The following MYZAP variants were observed in gnomAD, a reference collection of about 807,000 sequenced individuals.
MYZAP encodes GRINL1A complex locus upstream.
Under a neutral mutation model 69.4 loss-of-function variants are expected in MYZAP, and 66 were observed. That is an observed-to-expected ratio of 0.95 (90% CI 0.78 to 1.17). The LOEUF (loss-of-function observed/expected upper bound fraction) is 1.17, where lower values mean the gene tolerates loss of function less well. Ranked by LOEUF, MYZAP falls within the 50% of genes most tolerant of loss-of-function variation. The probability of loss-of-function intolerance (pLI) is 0.00; values close to 1 mark genes in which losing one functional copy is unlikely to be tolerated. For synonymous variants in MYZAP, 256 were observed against 205.9 expected, an observed-to-expected ratio of 1.24 and a Z score of -2.09; for missense variants, 611 against 556.2, an observed-to-expected ratio of 1.10 and a Z score of -0.99.
rs1371727069 is a variant in MYZAP at position 57,661,381 on chromosome 15, C to G, written c.1120-69C>G. The G allele has an allele frequency of 6.2e-6, 7 of 1,138,144 alleles. No individual in the cohort carries two copies. The East Asian group carries it at 1.5e-4, about 24-fold the overall frequency. The allele number at this position is 1,138,144 out of a possible 1,614,324, so 70.5% of individuals were successfully genotyped here. Reference sequence around the variant, plus strand: ...AAATGAAAACCAAGGGCATCTATTCCAGTTGATAAACCTGTACTTACACAA... The same window carrying G: ...AAATGAAAACCAAGGGCATCTATTCGAGTTGATAAACCTGTACTTACACAA... On this transcript the variant is annotated intron_variant, in intron 10 of 12. Coordinates refer to ENST00000267853, the MANE Select transcript of MYZAP (RefSeq NM_001018100.5).
At chr15:57,663,803 A>C (rs900910718) in intron 11 of MYZAP, among the ~76,000 whole-genome samples, 2 of 152,096 alleles carry the variant, frequency 1.3e-5, no homozygotes, top group African/African-American at 4.8e-5. Flanking sequence ...TCTAATAAGC[A>C]AGACTTTGAA....
rs141271435 is a variant in MYZAP at position 57,618,079 on chromosome 15, G to C, written c.209G>C (p.Gly70Ala). 5.9e-5 allele frequency: 95 copies of C among 1,614,004 alleles called. No individual in the cohort carries two copies. The highest frequency in any genetic ancestry group is 4.9e-4 in the Middle Eastern group (3 of 6,084). The change falls in exon 3 of 13, where the codon GGT (glycine) becomes GCT (alanine). Residue 70 changes from glycine (G) to alanine (A), a missense_variant. Physicochemically the swap from Gly to Ala is moderately conservative, Grantham distance 60. Coordinates refer to ENST00000267853, the MANE Select transcript of MYZAP (RefSeq NM_001018100.5). ...NGEPTRKLPQ[G>A]VVYGVVRRSD... ...GAACCTACCAGGAAACTTCCTCAGG[G>C]TGTTGTTTATGGTGTGGTGCGAAGA...
intron 1 of MYZAP, among the ~76,000 whole-genome samples, chr15:57,595,745 C>T (rs780337784): frequency 6.6e-6 from 1 of 152,122 alleles, no homozygotes; most frequent in Non-Finnish European, 1.5e-5. Context: ...CTATCGTGAC[C>T]CGTCACTGGC....
chr15:57,656,380 G>A (rs1044817826), intron 10 of MYZAP, among the ~76,000 whole-genome samples: 1 of 152,176 alleles, frequency 6.6e-6, no homozygotes, highest in African/African-American at 2.4e-5. Context: ...AGAAACATCA[G>A]TAATCATATA....
At position 57,684,907 on chromosome 15, in the gene MYZAP, A is replaced by C. The variant is rs1010787609; in HGVS notation, c.*409A>C. The C allele has an allele frequency of 6.4e-6, 1 of 157,268 alleles. No homozygotes were observed. The highest frequency in any genetic ancestry group is 1.4e-5 in the Non-Finnish European group (1 of 71,478). 9.7% of individuals were successfully genotyped at this position (157,268 alleles called of 1,614,324 possible). On this transcript the variant is annotated 3_prime_UTR_variant, in exon 13 of 13. Transcript: ENST00000267853. ...CATGAAGGTTTTGTTTACCCATAAA[A>C]GTATTAGAGGCAGCGTTTCTCTGAT...
At chr15:57,643,997 C>T (rs1595903099) in intron 10 of MYZAP, among the ~76,000 whole-genome samples, 2 of 152,216 alleles carry the variant, frequency 1.3e-5, no homozygotes, top group South Asian at 2.1e-4. Context: ...TTGATTTTCT[C>T]ATTAGTGCTT....
intron 1 of MYZAP, chr15:57,599,698 T>C: frequency 3.9e-6 from 5 of 1,289,116 alleles, no homozygotes; most frequent in Non-Finnish European, 5.1e-6. Context: ...CGTAAAATGC[T>C]CGGAGGTAAG....
At chr15:57,678,973 T>C (rs1475059463) in intron 12 of MYZAP, among the ~76,000 whole-genome samples, 1 of 152,038 alleles carries the variant, frequency 6.6e-6, no homozygotes, top group Non-Finnish European at 1.5e-5. Flanking sequence ...GGTTGGGAGT[T>C]TGAGACCAGC....
intron 7 of MYZAP, 75 bp from the exon 8 acceptor site, chr15:57,633,538 C>T (rs570667256): frequency 6.6e-7 from 1 of 1,524,904 alleles, no homozygotes. Context: ...TCTAGCAAGG[C>T]CTGAGCTGAT....
intron 10 of MYZAP, among the ~76,000 whole-genome samples, chr15:57,660,507 G>A (rs1344693226): frequency 1.3e-5 from 2 of 151,970 alleles, no homozygotes; most frequent in Admixed American, 1.3e-4. Flanking sequence ...TAGAGGCAGG[G>A]TCTCACTATG....
chr15:57,647,717 G>A (rs1243842742), intron 10 of MYZAP: 4 of 985,266 alleles, frequency 4.1e-6, no homozygotes, highest in Admixed American at 6.1e-5. Flanking sequence ...CTAAGTGGAT[G>A]CCCTCCACAC....
At chr15:57,629,377 T>A (rs1031772566) in intron 5 of MYZAP, among the ~76,000 whole-genome samples, 1 of 152,234 alleles carries the variant, frequency 6.6e-6, no homozygotes, top group Non-Finnish European at 1.5e-5. Context: ...TTTTCCCATG[T>A]GAAATGATGT....
At chr15:57,626,847 G>A (rs1173852117) in intron 5 of MYZAP, among the ~76,000 whole-genome samples, 13 of 152,210 alleles carry the variant, frequency 8.5e-5, no homozygotes, top group Admixed American at 3.9e-4. Flanking sequence ...GTGGGTCTGG[G>A]TGGCCTCGTG....
At chr15:57,683,136 G>A (rs1021322077) in intron 12 of MYZAP, among the ~76,000 whole-genome samples, 2 of 152,288 alleles carry the variant, frequency 1.3e-5, no homozygotes, top group East Asian at 3.9e-4. Flanking sequence ...AGGAGGCAGG[G>A]GAGAAAGCTG....
intron 3 of MYZAP, among the ~76,000 whole-genome samples, chr15:57,620,894 G>T (rs2035763782): frequency 6.6e-6 from 1 of 151,498 alleles, no homozygotes; most frequent in Non-Finnish European, 1.5e-5. Context: ...GAGGGTGATA[G>T]GTGAATTTCA....
chr15:57,621,512 G>A lies in MYZAP; in HGVS notation c.319-96G>A, dbSNP rs1270000768. ...CAGGCTTGAGCCACCGCACCTGGCCGGGGTCCTTCTTTCTTTAGAGTTTCT... is the reference window on the plus strand; with the variant it reads ...CAGGCTTGAGCCACCGCACCTGGCCAGGGTCCTTCTTTCTTTAGAGTTTCT... On this transcript the variant is annotated intron_variant, in intron 3 of 12. Transcript: ENST00000267853. The A allele has an allele frequency of 1.9e-5, 27 of 1,417,794 alleles. No homozygotes were observed. In the African/African-American group the frequency reaches 3.0e-4, roughly 16 times the overall value. The allele number at this position is 1,417,794 out of a possible 1,614,324, so 87.8% of individuals were successfully genotyped here. A position where few individuals can be genotyped will look rare whatever the true frequency, so the allele number is the denominator to read the frequency against.
At chr15:57,669,502 G>T (rs79836746) in intron 11 of MYZAP, among the ~76,000 whole-genome samples, 1 of 151,922 alleles carries the variant, frequency 6.6e-6, no homozygotes, top group African/African-American at 2.4e-5. Context: ...TATCCACTCT[G>T]TGTCTCTGTC....
chr15:57,616,821 G>GCTTTTTTTTTTTTTTTT (rs2035484695), intron 2 of MYZAP, among the ~76,000 whole-genome samples: 1 of 53,318 alleles, frequency 1.9e-5, no homozygotes. Flanking sequence ...AAAAAAAAGT[G>GCTTTTTTTTTTTTTTTT]CTTTTTTTTT....
chr15:57,611,386 G>A (rs543211216), intron 2 of MYZAP, among the ~76,000 whole-genome samples: 62 of 152,294 alleles, frequency 4.1e-4, no homozygotes, highest in Non-Finnish European at 6.6e-4. Flanking sequence ...CAAGGTTACC[G>A]AAGGTGTGTA....
Sources: gnomAD v4.1 joint callset for allele counts (sites outside exome capture counted in the v4.1 genomes callset) on GRCh38, gnomAD v4.1.1 for gene constraint, MANE v1.5 for transcripts, NCBI Gene and HGNC (gene_info 2026-07-23, HGNC 2026-07-21) for gene names.